ADAMTSL2: variants seen among roughly 807,000 people sequenced by gnomAD.
ADAMTSL2 encodes the protein ADAMTS-like protein 2.
A neutral mutation model predicts 117.0 loss-of-function variants in ADAMTSL2; 55 were observed. That is an observed-to-expected ratio of 0.47 (90% CI 0.38 to 0.59). The LOEUF is 0.59. Ranked by LOEUF, ADAMTSL2 falls within the 20% of genes least tolerant of loss-of-function variation. The pLI is 0.00. For missense variants in ADAMTSL2, 1,182 were observed against 1,354.5 expected (o/e 0.87, Z 2.00); for synonymous variants, 572 against 566.4 (o/e 1.01, Z -0.14).
Position 133,561,243 on chromosome 9 carries a change from G to A in ADAMTSL2, c.1695G>A (p.Met565Ile). 10 of 1,608,590 alleles carry A rather than the reference G, an allele frequency of 6.2e-6. No individual in the cohort carries two copies. Among genetic ancestry groups the A allele is most frequent in the Non-Finnish European group, 6.8e-6 (8 of 1,178,020 alleles). The change falls in exon 12 of 19, where the codon ATG (methionine) becomes ATA (isoleucine). Residue 565 changes from methionine to isoleucine, a missense_variant. Physicochemically the swap from Met to Ile is conservative, Grantham distance 10. Transcript: ENST00000651351. The stretch of plus-strand genomic sequence containing the variant: ...AGCAAGGCGTGAGTCCCGCGGACAT[G>A]TACCGGTGGAAGCTCTCGTCCCACG... The part of the protein sequence containing the change: ...ARKQGVSPAD[M>I]YRWKLSSHEP...
chr9:133,538,273 G>A (rs1830100446), intron 3 of ADAMTSL2, 76 bp from the exon 4 acceptor site: 23 of 1,559,958 alleles, frequency 1.5e-5, no homozygotes, highest in South Asian at 4.4e-5. Flanking sequence ...GGATCCCAGT[G>A]GCCGTGGGGC....
At chr9:133,561,386 C>T (rs1422290004) in intron 12 of ADAMTSL2, 91 bp downstream of exon 12, 11 of 1,232,504 alleles carry the variant, frequency 8.9e-6, no homozygotes, top group African/African-American at 6.0e-5. Context: ...CACTAGCTTG[C>T]AGCCCCCAAA....
rs779979265 is a variant in ADAMTSL2, at chr9:133,544,526, A to T, written c.739A>T (p.Arg247Trp). Residue 247 changes from arginine to tryptophan, a missense_variant, in exon 8 of 19, where the codon AGG becomes TGG. This residue lies in a region of ADAMTSL2 where 372 missense variants were observed against 463.4 expected (regional missense o/e 0.80). Coordinates refer to ENST00000651351, the MANE Select transcript of ADAMTSL2 (RefSeq NM_014694.4). ...TGCCCGAGACATCCAGATTGTAGAG[A>T]GGAAGAAGTCCGCTGACGTGCTAGG... is the stretch of plus-strand genomic sequence containing the variant. ...AGARDIQIVE[R>W]KKSADVLALA... is the part of the protein sequence containing the mutation. 1 of 1,614,116 alleles carries T rather than the reference A, an allele frequency of 6.2e-7. No individual in the cohort carries two copies. The highest frequency in any genetic ancestry group is 8.5e-7 in the Non-Finnish European group (1 of 1,180,006).
At chr9:133,555,999 A>G in intron 11 of ADAMTSL2, 69 bp downstream of exon 11, 2 of 1,572,042 alleles carry the variant, frequency 1.3e-6, no homozygotes, top group South Asian at 1.1e-5. Flanking sequence ...GCCAGGTAGA[A>G]AGTGAGGCCC....
chr9:133,554,403 C>CGCT lies in ADAMTSL2; in HGVS notation c.992_994dup (p.Leu331dup), dbSNP rs1028974722. On this transcript the variant is annotated inframe_insertion, in exon 10 of 19. Coordinates refer to ENST00000651351, the MANE Select transcript of ADAMTSL2 (RefSeq NM_014694.4). This position sits in a 1 kb window ranked among gnomAD's most constrained non-coding sequence, Gnocchi z 5.2. ...AGCCCCTCCATCACCTTCGAGTACA[C>CGCT]GCTGCTGCAGCCGCCACACGAGAGC... The CGCT allele has an allele frequency of 1.9e-6, 3 of 1,562,098 alleles. No homozygotes were observed. The highest frequency in any genetic ancestry group is 2.3e-5 in the South Asian group (2 of 85,652).
chr9:133,541,152 G>A, intron 7 of ADAMTSL2, 151 bp downstream of exon 7: 2 of 1,260,830 alleles, frequency 1.6e-6, no homozygotes, highest in East Asian at 5.1e-5. Context: ...CGGGTGAGCT[G>A]GCCTGGTGAT....
rs1262194505 is a variant in ADAMTSL2 at position 133,557,726 on chromosome 9, A to C, written c.1649+1796A>C. Among the ~76,000 whole-genome samples the C allele has an allele frequency of 6.6e-6, 1 of 152,268 alleles. No individual in the cohort carries two copies. The highest frequency in any genetic ancestry group is 1.9e-4 in the East Asian group (1 of 5,182). ...CCACGGTAAGGCCTCCAGTAAGTAG[A>C]AGCTATTAGTAGAAAACTGAGCCTC... On this transcript the variant is annotated intron_variant, in intron 11 of 18. Coordinates refer to ENST00000651351, the MANE Select transcript of ADAMTSL2 (RefSeq NM_014694.4). This position sits in a 1 kb window ranked among gnomAD's most constrained non-coding sequence, Gnocchi z 5.2.
At position 133,557,313 on chromosome 9, in the gene ADAMTSL2, G is replaced by T. The variant is rs1423395002; in HGVS notation, c.1649+1383G>T. 6.6e-6 allele frequency among the ~76,000 whole-genome samples: 1 copy of T among 152,194 alleles called. No homozygotes were observed. Among genetic ancestry groups the T allele is most frequent in the African/African-American group, 2.4e-5 (1 of 41,458 alleles). ...CTGCGGGGTGCAGGGAGGATGTCCT[G>T]AGCACTTCTGGCAGGCTCTGGGCGG... On this transcript the variant is annotated intron_variant, in intron 11 of 18. Transcript: ENST00000651351. The surrounding 1 kb of genome is among the most constrained non-coding windows in gnomAD (Gnocchi z 5.2).
rs2131194590 is a variant in ADAMTSL2 at position 133,574,899 on chromosome 9, A to C, written c.*35A>C. The C allele has an allele frequency of 2.6e-6, 4 of 1,542,906 alleles. No homozygotes were observed. In the East Asian group the frequency reaches 9.2e-5, roughly 35 times the overall value. ...CTGCAGCCCCTTCCAGATGAAGACC[A>C]AGCGCCCCTCCTGGGGCTGCTGCAG... On this transcript the variant is annotated 3_prime_UTR_variant, in exon 19 of 19. Transcript: ENST00000651351.
At chr9:133,559,643 C>T (rs1045157496) in intron 11 of ADAMTSL2, among the ~76,000 whole-genome samples, 1 of 151,522 alleles carries the variant, frequency 6.6e-6, no homozygotes, top group South Asian at 2.1e-4. Flanking sequence ...AGAGTCACTG[C>T]GCCTGGCCCC....
upstream of ADAMTSL2, chr9:133,534,623 G>A (rs1254561681): frequency 7.8e-7 from 1 of 1,281,110 alleles, no homozygotes; most frequent in Non-Finnish European, 9.9e-7. Flanking sequence ...GCGCGGGCGG[G>A]GGAGCGGCCT....
At chr9:133,569,956 C>G (rs1404446890) in intron 16 of ADAMTSL2, among the ~76,000 whole-genome samples, 1 of 152,252 alleles carries the variant, frequency 6.6e-6, no homozygotes, top group Non-Finnish European at 1.5e-5. Context: ...CTGTCATCGT[C>G]ACCAACTTGC....
chr9:133,555,981 G>T (rs1466894186), intron 11 of ADAMTSL2, 51 bp downstream of exon 11: 1 of 1,594,182 alleles, frequency 6.3e-7, no homozygotes, highest in Non-Finnish European at 8.5e-7. Flanking sequence ...GGGCAGGATG[G>T]GGCCGAGGCC....
chr9:133,573,718 T>C, intron 17 of ADAMTSL2, 125 bp from the exon 18 acceptor site: 1 of 1,199,584 alleles, frequency 8.3e-7, no homozygotes, highest in Non-Finnish European at 1.2e-6. Context: ...CTGTGTCAGT[T>C]GGGACTCATG....
intron 5 of ADAMTSL2, 126 bp from the exon 6 acceptor site, chr9:133,540,472 G>A (rs1215829697): frequency 1.5e-6 from 2 of 1,338,668 alleles, no homozygotes; most frequent in Non-Finnish European, 2.1e-6. Flanking sequence ...GGTTCCTTCT[G>A]TTCTCCAGGC....
intron 5 of ADAMTSL2, 85 bp downstream of exon 5, chr9:133,539,958 C>T (rs1000386709): frequency 2.3e-5 from 29 of 1,277,236 alleles, no homozygotes; most frequent in Middle Eastern, 1.8e-4. Flanking sequence ...CCAAACTCGA[C>T]GGGTGGGCAG....
intron 2 of ADAMTSL2, among the ~76,000 whole-genome samples, chr9:133,537,098 T>C (rs1268352511): frequency 1.3e-5 from 2 of 152,102 alleles, no homozygotes; most frequent in Non-Finnish European, 1.5e-5. Context: ...CAGAACGCAG[T>C]TGGGCCCTGA....
At chr9:133,533,414 C>T (rs139193594), upstream of ADAMTSL2, among the ~76,000 whole-genome samples, 116 of 152,272 alleles carry the variant, frequency 7.6e-4, 1 homozygote, top group African/African-American at 2.7e-3. Context: ...AACAACCCGG[C>T]AGAGGAGAGA....
In ADAMTSL2 at chr9:133,570,339, C is replaced by T; in HGVS notation, c.2424C>T (p.Thr808=). The T allele has an allele frequency of 6.5e-7, 1 of 1,545,450 alleles. No individual in the cohort carries two copies. The highest frequency in any genetic ancestry group is 8.7e-7 in the Non-Finnish European group (1 of 1,147,010). ...WLAQDWERCN[T]TCGRGVKKRL... is the part of the protein sequence containing the mutation. ...CTCTGCCCCGGCCTCAGTGCAACAC[C>T]ACCTGCGGGCGCGGGGTCAAGAAGC... is the stretch of plus-strand genomic sequence containing the variant. Residue 808 remains threonine, a synonymous_variant, in exon 17 of 19, where the codon ACC becomes ACT. Coordinates refer to ENST00000651351, the MANE Select transcript of ADAMTSL2 (RefSeq NM_014694.4).
Sources: allele counts gnomAD v4.1 joint callset (sites outside exome capture counted in the v4.1 genomes callset), GRCh38; gene constraint gnomAD v4.1.1; regional missense constraint gnomAD v4.1.1; non-coding constraint Gnocchi (gnomAD v3.1); transcripts MANE v1.5; gene names NCBI Gene and HGNC (gene_info 2026-07-23, HGNC 2026-07-21).